The following QTMAN variants were observed in gnomAD, a reference collection of about 807,000 sequenced individuals.
QTMAN encodes queuosine-tRNA mannosyltransferase.
At chr2:144,182,808 A>AATATATATATATTATCTATATAAT in the QTMAN span, among the ~76,000 whole-genome samples, 1 of 52,528 alleles carries the variant, frequency 1.9e-5, no homozygotes, top group African/African-American at 8.0e-5. Context: ...TTATATATAT[A>AATATATATATATTATCTATATAAT]ATATATATAT....
chr2:144,097,825 T>C, the QTMAN span, among the ~76,000 whole-genome samples: 1 of 152,228 alleles, frequency 6.6e-6, no homozygotes, highest in Non-Finnish European at 1.5e-5. Context: ...AATTTGTCTG[T>C]CTACCTCTTC....
chr2:143,955,768 AAC>A, the QTMAN span, among the ~76,000 whole-genome samples: 1 of 152,234 alleles, frequency 6.6e-6, no homozygotes, highest in Admixed American at 6.5e-5. Flanking sequence ...TCTAAACTAA[AAC>A]AGAGGATGCA....
the QTMAN span, among the ~76,000 whole-genome samples, chr2:144,063,463 AACTTG>A: frequency 2.0e-5 from 3 of 152,202 alleles, no homozygotes; most frequent in Admixed American, 6.5e-5. Context: ...CTTAAAAATC[AACTTG>A]ACTTATCAAG....
At chr2:143,971,284 A>G in the QTMAN span, among the ~76,000 whole-genome samples, 39 of 152,108 alleles carry the variant, frequency 2.6e-4, no homozygotes, top group Non-Finnish European at 3.2e-4. Context: ...GGGAGATTAG[A>G]GACCCTCTCA....
chr2:144,041,194 T>C, the QTMAN span, among the ~76,000 whole-genome samples: 1 of 152,180 alleles, frequency 6.6e-6, no homozygotes, highest in Non-Finnish European at 1.5e-5. Flanking sequence ...AACCAGAAGT[T>C]AAGAGTTCAA....
chr2:144,097,847 TC>T, the QTMAN span, among the ~76,000 whole-genome samples: 5 of 152,196 alleles, frequency 3.3e-5, no homozygotes, highest in Admixed American at 2.0e-4. Flanking sequence ...AAGTTCCTCA[TC>T]TTTTCCTTCA....
the QTMAN span, chr2:143,970,614 A>G: frequency 3.0e-6 from 3 of 993,738 alleles, no homozygotes; most frequent in African/African-American, 4.8e-5. Context: ...AGCTTATGTC[A>G]TCTATAAAAA....
chr2:144,062,659 T>C, the QTMAN span, among the ~76,000 whole-genome samples: 1 of 152,204 alleles, frequency 6.6e-6, no homozygotes, highest in Non-Finnish European at 1.5e-5. Flanking sequence ...ACTACTATGG[T>C]ATCATTCTGT....
chr2:143,964,553 G>C, the QTMAN span, among the ~76,000 whole-genome samples: 13 of 152,210 alleles, frequency 8.5e-5, no homozygotes, highest in South Asian at 2.3e-3. Flanking sequence ...ATATTAGTGT[G>C]ATGTATGTTA....
the QTMAN span, among the ~76,000 whole-genome samples, chr2:144,234,512 G>C: frequency 6.6e-6 from 1 of 152,116 alleles, no homozygotes; most frequent in South Asian, 2.1e-4. Context: ...ACTAAGCTCA[G>C]CATCATCTAG....
the QTMAN span, among the ~76,000 whole-genome samples, chr2:144,074,664 C>T: frequency 7.9e-5 from 12 of 152,240 alleles, no homozygotes; most frequent in African/African-American, 1.9e-4. Context: ...GATTCAGACA[C>T]TAAGGCCGTA....
At chr2:144,030,177 T>C in the QTMAN span, among the ~76,000 whole-genome samples, 1 of 152,180 alleles carries the variant, frequency 6.6e-6, no homozygotes, top group Non-Finnish European at 1.5e-5. Context: ...AGTATTAATC[T>C]TACCACCTTA....
At chr2:144,170,862 T>C in the QTMAN span, among the ~76,000 whole-genome samples, 1 of 152,274 alleles carries the variant, frequency 6.6e-6, no homozygotes, top group South Asian at 2.1e-4. Flanking sequence ...TTCACATTGA[T>C]AACATATGAA....
At chr2:144,085,508 A>G in the QTMAN span, among the ~76,000 whole-genome samples, 2 of 152,220 alleles carry the variant, frequency 1.3e-5, no homozygotes, top group East Asian at 3.9e-4. Context: ...GAGGGTAAGA[A>G]AAGGAAGAAG....
chr2:144,066,393 C>T, the QTMAN span, among the ~76,000 whole-genome samples: 1 of 152,174 alleles, frequency 6.6e-6, no homozygotes, highest in African/African-American at 2.4e-5. Flanking sequence ...ATCTCTCCTC[C>T]ACAAACCTTT....
At chr2:144,203,714 G>A in the QTMAN span, among the ~76,000 whole-genome samples, 1 of 152,122 alleles carries the variant, frequency 6.6e-6, no homozygotes, top group African/African-American at 2.4e-5. Flanking sequence ...AAGACTGGGA[G>A]AAGTACCATA....
the QTMAN span, among the ~76,000 whole-genome samples, chr2:144,316,777 T>G: frequency 2.0e-5 from 3 of 152,192 alleles, no homozygotes; most frequent in Non-Finnish European, 4.4e-5. Context: ...TCTCCCTACA[T>G]GTATGCTGGC....
chr2:144,220,877 T>A, the QTMAN span, among the ~76,000 whole-genome samples: 1 of 152,224 alleles, frequency 6.6e-6, no homozygotes, highest in Non-Finnish European at 1.5e-5. Flanking sequence ...TATCCTATTA[T>A]CCTCTTGCAT....
the QTMAN span, among the ~76,000 whole-genome samples, chr2:143,985,354 A>T: frequency 6.6e-6 from 1 of 152,240 alleles, no homozygotes; most frequent in Non-Finnish European, 1.5e-5. Flanking sequence ...AGTCTTGAGG[A>T]ACAGAGCATG....
Sources: allele counts gnomAD v4.1 joint callset (sites outside exome capture counted in the v4.1 genomes callset), GRCh38; gene constraint gnomAD v4.1.1; transcripts MANE v1.5; gene names NCBI Gene and HGNC (gene_info 2026-07-23, HGNC 2026-07-21).